TNRC6C: variants seen among roughly 807,000 people sequenced by gnomAD.
The protein encoded by TNRC6C is trinucleotide repeat-containing gene 6C protein.
A neutral mutation model predicts 153.7 loss-of-function variants in TNRC6C; 20 were observed. That is an observed-to-expected ratio of 0.13 (90% CI 0.09 to 0.19). TNRC6C has a LOEUF of 0.19. Among genes scored for constraint, TNRC6C ranks in the 10% least tolerant of loss-of-function variants. The probability of loss-of-function intolerance (pLI) is 1.00; values close to 1 mark genes in which losing one functional copy is unlikely to be tolerated. For missense variants in TNRC6C, 1,987 were observed against 2,172.0 expected (o/e 0.91, Z 1.69); for synonymous variants, 811 against 841.4 (o/e 0.96, Z 0.63).
intron 13 of TNRC6C, among the ~76,000 whole-genome samples, chr17:78,087,657 A>G (rs1177197462): frequency 6.6e-6 from 1 of 152,228 alleles, no homozygotes; most frequent in Non-Finnish European, 1.5e-5. Flanking sequence ...TGGTTTGGTC[A>G]GTAAAAGTAT....
chr17:78,070,921 C>T (rs2072982047), intron 5 of TNRC6C, among the ~76,000 whole-genome samples, 164 bp from the exon 8 acceptor site: 1 of 152,106 alleles, frequency 6.6e-6, no homozygotes, highest in Admixed American at 6.5e-5. Context: ...GCAGTAGCCA[C>T]GAAATACTGT....
intron 1 of TNRC6C, among the ~76,000 whole-genome samples, chr17:77,990,494 G>A (rs2071233492): frequency 6.6e-6 from 1 of 152,074 alleles, no homozygotes; most frequent in Non-Finnish European, 1.5e-5. Flanking sequence ...AACATCCTGT[G>A]TGCCTTCCCA....
intron 1 of TNRC6C, among the ~76,000 whole-genome samples, chr17:77,988,412 C>T (rs2071203198): frequency 6.6e-6 from 1 of 152,096 alleles, no homozygotes; most frequent in African/African-American, 2.4e-5. Context: ...ATTTATTTTT[C>T]CATTGCATCT....
chr17:78,092,883 C>G (rs765969957), intron 14 of TNRC6C, 50 bp from the exon 17 acceptor site: 4 of 1,568,240 alleles, frequency 2.6e-6, no homozygotes, highest in South Asian at 2.3e-5. Context: ...TCTGGTGTCT[C>G]TCAACTGGAG....
intron 11 of TNRC6C, among the ~76,000 whole-genome samples, chr17:78,083,772 A>T (rs551706250): frequency 6.6e-6 from 1 of 152,286 alleles, no homozygotes. Context: ...GGCTGATGTG[A>T]CCTAATAATT....
rs143116355 is a variant in TNRC6C at position 77,989,719 on chromosome 17, C to T, written c.-37-14451C>T. Among the ~76,000 whole-genome samples, 690 of 152,284 alleles carry T rather than the reference C, an allele frequency of 4.5e-3. 5 individuals carry two copies. The highest frequency in any genetic ancestry group is 0.017 in the South Asian group (80 of 4,818). ...CTTATACCTAAAATCAACTCTGGCA[C>T]ATTGTGTGGCCAGTTATTAATAAAT... On this transcript the variant is annotated intron_variant, in intron 1 of 22. Coordinates refer to the TNRC6C transcript ENST00000636222.
rs150681948 is a variant in TNRC6C at position 78,102,129 on chromosome 17, C to T, written c.4502-345C>T. ...GAACCTGGGAGCACTGATTCCACAC[C>T]GGGTCTGGGGACAGGCAGAGGTGGA... On this transcript the variant is annotated intron_variant, in intron 17 of 19. Transcript: ENST00000301624. Among the ~76,000 whole-genome samples the T allele has an allele frequency of 3.9e-5, 6 of 152,274 alleles. No homozygotes were observed. In the East Asian group the frequency reaches 7.7e-4, roughly 20 times the overall value.
At chr17:78,070,820 A>T (rs1279092994) in intron 5 of TNRC6C, among the ~76,000 whole-genome samples, 1 of 152,224 alleles carries the variant, frequency 6.6e-6, no homozygotes, top group Non-Finnish European at 1.5e-5. Flanking sequence ...AACTAAATTA[A>T]TTATCTGGGA....
intron 17 of TNRC6C, among the ~76,000 whole-genome samples, chr17:78,099,109 T>C (rs1262845765): frequency 3.9e-5 from 6 of 152,010 alleles, no homozygotes; most frequent in Non-Finnish European, 1.5e-5. Flanking sequence ...AACTGAAGAT[T>C]TACACCAGCG....
At chr17:78,002,509 C>T (rs1567908746), upstream of TNRC6C, among the ~76,000 whole-genome samples, 1 of 152,130 alleles carries the variant, frequency 6.6e-6, no homozygotes. Context: ...GTTGTAATAG[C>T]GATAATTTGT....
At chr17:78,094,123 G>A (rs933962946) in intron 16 of TNRC6C, among the ~76,000 whole-genome samples, 2 of 152,000 alleles carry the variant, frequency 1.3e-5, no homozygotes, top group Non-Finnish European at 2.9e-5. Flanking sequence ...GGAATTACAG[G>A]CATGTGTGCC....
chr17:78,074,183 A>G (rs1335391052), intron 7 of TNRC6C, among the ~76,000 whole-genome samples: 1 of 152,200 alleles, frequency 6.6e-6, no homozygotes. Context: ...AAACACCAGA[A>G]TCACTACAGA....
chr17:78,093,436 A>G (rs1057450126), intron 15 of TNRC6C, 184 bp from the exon 18 acceptor site: 5 of 768,408 alleles, frequency 6.5e-6, no homozygotes, highest in Non-Finnish European at 1.0e-5. Flanking sequence ...GATAGCTGTG[A>G]TACCTGGTTC....
intron 2 of TNRC6C, among the ~76,000 whole-genome samples, chr17:78,033,596 G>A (rs577240778): frequency 4.0e-4 from 61 of 152,112 alleles, no homozygotes; most frequent in Admixed American, 5.9e-4. Flanking sequence ...TTGAACCTGG[G>A]ACGTGGAGGT....
chr17:78,030,897 G>A (rs1403912692), intron 1 of TNRC6C, among the ~76,000 whole-genome samples: 10 of 151,990 alleles, frequency 6.6e-5, no homozygotes, highest in African/African-American at 2.2e-4. Flanking sequence ...TCAGGAGTTC[G>A]AGACCAGCCT....
upstream of TNRC6C, among the ~76,000 whole-genome samples, chr17:78,000,428 T>C (rs1465140705): frequency 6.6e-6 from 1 of 152,210 alleles, no homozygotes; most frequent in Non-Finnish European, 1.5e-5. Context: ...GTTGAATAAA[T>C]TAAGACCATA....
chr17:78,058,341 C>G (rs572437454), intron 3 of TNRC6C, among the ~76,000 whole-genome samples: 152 of 152,320 alleles, frequency 1.0e-3, no homozygotes, highest in African/African-American at 3.5e-3. Flanking sequence ...CTCGCATACT[C>G]AGACATAATA....
intron 1 of TNRC6C, among the ~76,000 whole-genome samples, chr17:77,964,893 T>C (rs2070885655): frequency 6.6e-6 from 1 of 152,120 alleles, no homozygotes; most frequent in Admixed American, 6.5e-5. Context: ...TTAAACAAGG[T>C]CTTTTTTGGT....
At chr17:78,028,751 C>G (rs2071997873) in intron 1 of TNRC6C, among the ~76,000 whole-genome samples, 1 of 152,172 alleles carries the variant, frequency 6.6e-6, no homozygotes, top group Non-Finnish European at 1.5e-5. Flanking sequence ...AAGGTATGTA[C>G]AGAACTAGGC....
Sources: gnomAD v4.1 joint callset for allele counts (sites outside exome capture counted in the v4.1 genomes callset) on GRCh38, gnomAD v4.1.1 for gene constraint, MANE v1.5 for transcripts, NCBI Gene and HGNC (gene_info 2026-07-23, HGNC 2026-07-21) for gene names.